ANAPC4: variants seen among roughly 807,000 people sequenced by gnomAD.
ANAPC4 encodes the protein anaphase promoting complex subunit 4.
In ANAPC4, 63 loss-of-function variants were observed where a neutral mutation model predicts 119.8. The ratio of observed to expected loss-of-function variants is 0.53; its 90% CI spans 0.43 to 0.65. The LOEUF is 0.65. Among genes scored for constraint, ANAPC4 ranks in the 30% least tolerant of loss-of-function variants. The probability of loss-of-function intolerance (pLI) is 0.00; values close to 1 mark genes in which losing one functional copy is unlikely to be tolerated. For synonymous variants in ANAPC4, 283 were observed against 318.6 expected, an observed-to-expected ratio of 0.89 and a Z score of 1.19; for missense variants, 716 against 945.1, an observed-to-expected ratio of 0.76 and a Z score of 3.18.
intron 25 of ANAPC4, chr4:25,415,085 G>T (rs760172562): frequency 2.2e-5 from 4 of 185,586 alleles, no homozygotes; most frequent in African/African-American, 9.3e-5. Context: ...TTTGCCTAGG[G>T]TTAAGTATGC....
At chr4:25,385,713 T>G (rs1163499978) in intron 4 of ANAPC4, among the ~76,000 whole-genome samples, 1 of 152,234 alleles carries the variant, frequency 6.6e-6, no homozygotes, top group Admixed American at 6.5e-5. Flanking sequence ...GTTTTCAACG[T>G]GCCTTCCTCT....
intron 28 of ANAPC4, 127 bp downstream of exon 28, chr4:25,417,866 T>G: frequency 7.7e-7 from 1 of 1,292,142 alleles, no homozygotes; most frequent in Non-Finnish European, 1.1e-6. Flanking sequence ...GATTTATAGC[T>G]TGTATTGATT....
At chr4:25,395,194 T>G (rs1455308137) in intron 14 of ANAPC4, 2 of 236,310 alleles carry the variant, frequency 8.5e-6, no homozygotes, top group Admixed American at 1.1e-4. Flanking sequence ...CATATATCTT[T>G]TTTTTGAGCA....
chr4:25,413,995 G>C lies in ANAPC4; in HGVS notation c.1623+253G>C, dbSNP rs1011780084. 51 of 476,588 alleles carry C rather than the reference G, an allele frequency of 1.1e-4. No homozygotes were observed. In the Middle Eastern group the frequency reaches 1.6e-3, roughly 15 times the overall value. 29.5% of individuals were successfully genotyped at this position (476,588 alleles called of 1,614,324 possible). On this transcript the variant is annotated intron_variant, in intron 22 of 28. Coordinates refer to ENST00000315368, the MANE Select transcript of ANAPC4 (RefSeq NM_013367.3). ...TGTTGGCATCTTGAGTATTTTATTT[G>C]TTCCCAGAAGAAATTCATTGTAAAC...
At chr4:25,396,183 C>CT (rs1190001650) in intron 14 of ANAPC4, among the ~76,000 whole-genome samples, 10 of 152,162 alleles carry the variant, frequency 6.6e-5, no homozygotes, top group African/African-American at 2.4e-4. Flanking sequence ...CATGTGTTTC[C>CT]TTCAAGGCAT....
chr4:25,406,920 A>G (rs1577394370), intron 19 of ANAPC4, 35 bp downstream of exon 19: 1 of 1,477,140 alleles, frequency 6.8e-7, no homozygotes, highest in Admixed American at 2.1e-5. Flanking sequence ...GCAGTTTAAA[A>G]AAAAATTACA....
At chr4:25,408,909 G>A (rs79640008) in intron 20 of ANAPC4, among the ~76,000 whole-genome samples, 4,158 of 152,182 alleles carry the variant, frequency 0.027, 69 homozygotes, top group African/African-American at 0.05. Flanking sequence ...TTAAAGATTC[G>A]TACTCAAGGG....
intron 2 of ANAPC4, among the ~76,000 whole-genome samples, chr4:25,380,036 G>C (rs929007170): frequency 6.6e-6 from 1 of 152,216 alleles, no homozygotes; most frequent in Non-Finnish European, 1.5e-5. Flanking sequence ...TCCAAGCTTA[G>C]TATAATTTGA....
intron 16 of ANAPC4, among the ~76,000 whole-genome samples, chr4:25,402,694 C>G (rs981455577): frequency 1.3e-5 from 2 of 152,190 alleles, no homozygotes; most frequent in African/African-American, 4.8e-5. Context: ...TTTACTGAGT[C>G]ATAAGAAAGA....
At chr4:25,409,333 A>G (rs920256483) in intron 20 of ANAPC4, among the ~76,000 whole-genome samples, 8 of 152,232 alleles carry the variant, frequency 5.3e-5, no homozygotes, top group African/African-American at 1.7e-4. Flanking sequence ...TACATCTACA[A>G]CATAATAATC....
chr4:25,403,094 C>G (rs1560441966), intron 17 of ANAPC4, 68 bp downstream of exon 17: 8 of 1,185,084 alleles, frequency 6.8e-6, no homozygotes, highest in Non-Finnish European at 2.4e-6. Context: ...TTATCTTAGA[C>G]TGTTTCAATA....
intron 20 of ANAPC4, among the ~76,000 whole-genome samples, chr4:25,407,516 T>C (rs116526700): frequency 0.41 from 61,653 of 151,754 alleles, 14,555 homozygotes; most frequent in Non-Finnish European, 0.52. Context: ...GCAGGAAAAC[T>C]ACTTGAACCC....
rs112161845 is a variant in ANAPC4 at position 25,418,395 on chromosome 4, T to G, written c.*13T>G. 2.2e-4 allele frequency: 350 copies of G among 1,612,076 alleles called. 2 individuals carry two copies. The highest frequency in any genetic ancestry group is 3.3e-4 in the Middle Eastern group (2 of 6,072). ...GCTAGACTCCTAATCTAGCTTGCCA[T>G]TATTGTGTGTGTAATTATGGCCAAA... On this transcript the variant is annotated 3_prime_UTR_variant, in exon 29 of 29. Coordinates refer to ENST00000315368, the MANE Select transcript of ANAPC4 (RefSeq NM_013367.3).
In ANAPC4 at chr4:25,414,465, G is replaced by T. The variant is rs1723749939; in HGVS notation, c.1686-1G>T. ...TCATTTCTTTTTCCCTTTTATTTTAGTGAGGATTCTACACGTAGATTGTTC... is the reference window on the plus strand; with the variant it reads ...TCATTTCTTTTTCCCTTTTATTTTATTGAGGATTCTACACGTAGATTGTTC... On this transcript the variant is annotated splice_acceptor_variant, in intron 23 of 28. Transcript: ENST00000315368. LOFTEE classifies it high-confidence loss of function. 2 of 1,600,926 alleles carry T rather than the reference G, an allele frequency of 1.2e-6. No individual in the cohort carries two copies. Among genetic ancestry groups the T allele is most frequent in the Non-Finnish European group, 1.7e-6 (2 of 1,170,640 alleles).
In ANAPC4 at chr4:25,415,478, T is replaced by C. The variant is rs1723810439; in HGVS notation, c.1839T>C (p.Asn613=). 6.2e-7 allele frequency: 1 copy of C among 1,612,766 alleles called. No individual in the cohort carries two copies. Among genetic ancestry groups the C allele is most frequent in the Non-Finnish European group, 8.5e-7 (1 of 1,179,280 alleles). Residue 613 remains asparagine, a synonymous_variant, in exon 26 of 29, where the codon AAT becomes AAC. Transcript: ENST00000315368. ...TTCTTTCTTGAAGATCTGTGAGTAA[T>C]GGACTAATTGCTATTAAATTTGGGA... ...RHTDISQSVS[N]GLIAIKFGSF...
intron 21 of ANAPC4, among the ~76,000 whole-genome samples, chr4:25,412,284 C>A (rs943866777): frequency 1.3e-5 from 2 of 152,000 alleles, no homozygotes; most frequent in Non-Finnish European, 2.9e-5. Flanking sequence ...CCTCATTGTC[C>A]CAGTGTATTT....
At chr4:25,415,287 T>C (rs1169209683) in intron 25 of ANAPC4, 179 bp from the exon 26 acceptor site, 1 of 472,320 alleles carries the variant, frequency 2.1e-6, no homozygotes, top group Admixed American at 4.0e-5. Context: ...CCAAATGTCT[T>C]TGGTGACTGT....
intron 16 of ANAPC4, 90 bp from the exon 17 acceptor site, chr4:25,402,881 A>T (rs1449428358): frequency 1.5e-6 from 1 of 665,726 alleles, no homozygotes; most frequent in East Asian, 3.2e-5. Flanking sequence ...TAGAACAGTA[A>T]GGATTATGAT....
chr4:25,377,350 G>A lies in ANAPC4; in HGVS notation c.-11+6G>A. 6.3e-7 allele frequency: 1 copy of A among 1,578,718 alleles called. No individual in the cohort carries two copies. Among genetic ancestry groups the A allele is most frequent in the East Asian group, 2.2e-5 (1 of 44,492 alleles). ...GCCGGTGGGGACTCTTGCAGGTACAGGCGCGGTCGGGGCTCCTCGTGGAGA... is the reference window on the plus strand; with the variant it reads ...GCCGGTGGGGACTCTTGCAGGTACAAGCGCGGTCGGGGCTCCTCGTGGAGA... On this transcript the variant is annotated splice_donor_region_variant and intron_variant, in intron 1 of 28. Coordinates refer to ENST00000315368, the MANE Select transcript of ANAPC4 (RefSeq NM_013367.3).
Sources: allele counts gnomAD v4.1 joint callset (sites outside exome capture counted in the v4.1 genomes callset), GRCh38; gene constraint gnomAD v4.1.1; transcripts MANE v1.5; gene names NCBI Gene and HGNC (gene_info 2026-07-23, HGNC 2026-07-21).